Variants in COL11A1 observed in about 807,000 individuals in gnomAD.
The protein encoded by COL11A1 is collagen alpha-1(XI) chain.
COL11A1 carries 74 observed loss-of-function variants against 265.2 expected under a neutral mutation model. The ratio of observed to expected loss-of-function variants is 0.28; its 90% confidence interval spans 0.23 to 0.34. COL11A1 has a LOEUF of 0.34. Ranked by LOEUF, COL11A1 falls within the 10% of genes least tolerant of loss-of-function variation. The probability of loss-of-function intolerance (pLI) is 1.00; values close to 1 mark genes in which losing one functional copy is unlikely to be tolerated. For synonymous variants in COL11A1, 816 were observed against 727.6 expected, an observed-to-expected ratio of 1.12 and a Z score of -1.96; for missense variants, 2,165 against 2,263.6, an observed-to-expected ratio of 0.96 and a Z score of 0.88.
intron 49 of COL11A1, among the ~76,000 whole-genome samples, chr1:102,919,435 A>G (rs1303012241): frequency 1.3e-5 from 2 of 151,888 alleles, no homozygotes; most frequent in Admixed American, 6.6e-5. Context: ...AAAAAACTTG[A>G]GACCAAGAAA....
intron 43 of COL11A1, among the ~76,000 whole-genome samples, chr1:102,939,666 G>A (rs570639103): frequency 6.6e-6 from 1 of 151,288 alleles, no homozygotes; most frequent in Admixed American, 6.6e-5. Flanking sequence ...TTGCACCACT[G>A]CACTCCAGCC....
chr1:103,093,054 T>C (rs570357290), intron 1 of COL11A1, among the ~76,000 whole-genome samples: 1 of 152,190 alleles, frequency 6.6e-6, no homozygotes, highest in South Asian at 2.1e-4. Context: ...TGCCAGTAAG[T>C]GCAAAAGCCT....
intron 63 of COL11A1, among the ~76,000 whole-genome samples, chr1:102,884,095 C>T (rs1033921229): frequency 6.6e-6 from 1 of 152,142 alleles, no homozygotes; most frequent in African/African-American, 2.4e-5. Flanking sequence ...ACTTTGCTTC[C>T]TTCTGTTGGG....
At chr1:103,093,267 G>A (rs543987705) in intron 1 of COL11A1, among the ~76,000 whole-genome samples, 11 of 152,134 alleles carry the variant, frequency 7.2e-5, no homozygotes, top group Non-Finnish European at 1.3e-4. Flanking sequence ...AGGGTGGTTC[G>A]ATAATTTTAG....
chr1:103,046,861 G>C (rs1669315024), intron 4 of COL11A1, among the ~76,000 whole-genome samples: 1 of 151,782 alleles, frequency 6.6e-6, no homozygotes, highest in African/African-American at 2.4e-5. Context: ...ATTAAATAGG[G>C]AATCCTTTCC....
chr1:103,006,557 A>G (rs1181349877), intron 15 of COL11A1, among the ~76,000 whole-genome samples: 4 of 10,830 alleles, frequency 3.7e-4, no homozygotes, highest in African/African-American at 5.4e-4. Context: ...TTTTTTTTTG[A>G]GACGGAGTCT....
At chr1:103,025,904 A>C in intron 6 of COL11A1, 1 of 1,612,710 alleles carries the variant, frequency 6.2e-7, no homozygotes. Context: ...TTTTCCTTTG[A>C]TTTAGTAGCC....
At chr1:102,905,247 T>G (rs1359127061) in intron 54 of COL11A1, among the ~76,000 whole-genome samples, 7 of 132,696 alleles carry the variant, frequency 5.3e-5, no homozygotes, top group Non-Finnish European at 1.1e-4. Context: ...GGGGGAGGGA[T>G]AGCATTAGGA....
chr1:102,970,225 C>T lies in COL11A1; in HGVS notation c.2856G>A (p.Gly952=). Residue 952 remains glycine (G), a synonymous_variant, in exon 37 of 67, where the codon GGG becomes GGA. Coordinates refer to ENST00000370096, the MANE Select transcript of COL11A1 (RefSeq NM_001854.4). The stretch of plus-strand genomic sequence containing the variant: ...GAGTAACAAGGTCACTTACAGTCTC[C>T]CCACGTTGCCCAGGGTGTCCTGGCA... ...DGLPGHPGQR[G]ETGFQGKTGP... 1 of 1,612,024 alleles carries T rather than the reference C, an allele frequency of 6.2e-7. No homozygotes were observed. Among genetic ancestry groups the T allele is most frequent in the Non-Finnish European group, 8.5e-7 (1 of 1,178,782 alleles).
chr1:103,058,460 T>C (rs1670405896), intron 4 of COL11A1, among the ~76,000 whole-genome samples: 1 of 152,190 alleles, frequency 6.6e-6, no homozygotes, highest in Admixed American at 6.5e-5. Context: ...TTCCTTTGCA[T>C]TCATAACTCT....
At chr1:102,887,768 C>A (rs1405005342) in intron 62 of COL11A1, among the ~76,000 whole-genome samples, 1 of 152,032 alleles carries the variant, frequency 6.6e-6, no homozygotes, top group Non-Finnish European at 1.5e-5. Context: ...AGAGTGGGCC[C>A]TAATCCAATA....
chr1:102,931,715 T>A (rs1305013494), intron 46 of COL11A1, among the ~76,000 whole-genome samples: 1 of 152,112 alleles, frequency 6.6e-6, no homozygotes, highest in Non-Finnish European at 1.5e-5. Flanking sequence ...CCATTATTAA[T>A]GTGTGGGAGT....
intron 1 of COL11A1, among the ~76,000 whole-genome samples, chr1:103,090,731 T>G (rs1368112761): frequency 6.6e-6 from 1 of 152,192 alleles, no homozygotes; most frequent in Non-Finnish European, 1.5e-5. Context: ...TTATCTAAAA[T>G]TATTATTCCA....
chr1:102,913,941 G>A (rs1361833647), intron 52 of COL11A1, among the ~76,000 whole-genome samples: 1 of 152,154 alleles, frequency 6.6e-6, no homozygotes, highest in Non-Finnish European at 1.5e-5. Flanking sequence ...AAGGAAGAAA[G>A]AAGATGTCAT....
At chr1:102,888,485 G>A (rs1003410768) in intron 62 of COL11A1, 92 bp downstream of exon 62, 13 of 1,209,392 alleles carry the variant, frequency 1.1e-5, no homozygotes, top group Non-Finnish European at 1.6e-5. Flanking sequence ...TTGGCAGAAT[G>A]TGCTTTTTGT....
intron 5 of COL11A1, among the ~76,000 whole-genome samples, chr1:103,028,277 G>T (rs778269706): frequency 2.0e-5 from 3 of 151,972 alleles, no homozygotes; most frequent in South Asian, 4.2e-4. Flanking sequence ...CAGGTGATCC[G>T]CCCGCTTCGG....
chr1:103,087,780 T>G (rs1672995187), intron 1 of COL11A1, among the ~76,000 whole-genome samples: 1 of 152,218 alleles, frequency 6.6e-6, no homozygotes, highest in Non-Finnish European at 1.5e-5. Flanking sequence ...TAACCTCTAT[T>G]ATAGCACCTT....
intron 9 of COL11A1, 143 bp from the exon 10 acceptor site, chr1:103,019,002 T>C (rs1666783709): frequency 1.5e-6 from 1 of 663,562 alleles, no homozygotes; most frequent in Non-Finnish European, 2.6e-6. Flanking sequence ...ACAAATGTTT[T>C]TGCACAGGGA....
intron 36 of COL11A1, among the ~76,000 whole-genome samples, chr1:102,974,059 T>C (rs1662229141): frequency 6.6e-6 from 1 of 152,132 alleles, no homozygotes; most frequent in South Asian, 2.1e-4. Context: ...CAGTGGAACA[T>C]TTCTAACAAT....
Sources: allele counts gnomAD v4.1 joint callset (sites outside exome capture counted in the v4.1 genomes callset), GRCh38; gene constraint gnomAD v4.1.1; transcripts MANE v1.5; gene names NCBI Gene and HGNC (gene_info 2026-07-23, HGNC 2026-07-21).